The following CCL25 variants were observed in gnomAD, a reference collection of about 807,000 sequenced individuals.
The protein encoded by CCL25 is C-C motif chemokine 25.
A neutral mutation model predicts 19.9 loss-of-function variants in CCL25; 14 were observed. The ratio of observed to expected loss-of-function variants is 0.70; its 90% CI spans 0.47 to 1.10. The LOEUF is 1.10. Among genes scored for constraint, CCL25 ranks in the 50% least tolerant of loss-of-function variants. CCL25 has a pLI of 0.00. For missense variants in CCL25, 151 were observed against 181.2 expected (o/e 0.83, Z 0.96); for synonymous variants, 68 against 73.2 (o/e 0.93, Z 0.36).
chr19:8,057,367 T>C (rs1308715645), intron 4 of CCL25, among the ~76,000 whole-genome samples: 1 of 151,942 alleles, frequency 6.6e-6, no homozygotes, highest in Non-Finnish European at 1.5e-5. Flanking sequence ...TTTACTCTTG[T>C]CACCCAGGCT....
In CCL25 at chr19:8,057,843, A is replaced by G; in HGVS notation, c.368A>G (p.Lys123Arg). Reference protein sequence around the residue: ...AVKKLSSGNSKLSSSKFSNPI... With the variant: ...AVKKLSSGNSRLSSSKFSNPI... ...AAGAAGTTGAGTTCTGGAAACTCCA[A>G]GTTATCATCGTCCAAGTTTAGCAAT... Residue 123 changes from lysine (K) to arginine (R), a missense_variant, in exon 5 of 6, where the codon AAG (lysine) becomes AGG (arginine). Lys to Arg is a conservative substitution (Grantham distance 26). Transcript: ENST00000315626. 1.9e-6 allele frequency: 3 copies of G among 1,613,552 alleles called. No homozygotes were observed. Among genetic ancestry groups the G allele is most frequent in the Non-Finnish European group, 8.5e-7 (1 of 1,179,628 alleles).
intron 2 of CCL25, among the ~76,000 whole-genome samples, chr19:8,054,018 C>A (rs559451258): frequency 3.7e-4 from 57 of 152,356 alleles, no homozygotes; most frequent in African/African-American, 1.3e-3. Flanking sequence ...GAACTCTTTC[C>A]TTCTTCCCCA....
intron 5 of CCL25, among the ~76,000 whole-genome samples, chr19:8,061,023 TCACC>T (rs1343533318): frequency 7.5e-6 from 1 of 133,680 alleles, no homozygotes; most frequent in East Asian, 2.2e-4. Context: ...TCTCACTCTG[TCACC>T]CAGGTTGGAG....
chr19:8,059,889 A>G (rs2081306090), intron 5 of CCL25, among the ~76,000 whole-genome samples: 1 of 151,768 alleles, frequency 6.6e-6, no homozygotes, highest in Non-Finnish European at 1.5e-5. Context: ...GGAGATCGAG[A>G]CCATCCAGGC....
intron 5 of CCL25, among the ~76,000 whole-genome samples, chr19:8,058,551 A>T (rs2081291450): frequency 8.4e-6 from 1 of 119,162 alleles, no homozygotes; most frequent in Non-Finnish European, 1.7e-5. Flanking sequence ...ATAAATACAT[A>T]TAATATATAA....
intron 5 of CCL25, 31 bp downstream of exon 5, chr19:8,057,951 C>T (rs746002710): frequency 6.2e-7 from 1 of 1,602,326 alleles, no homozygotes; most frequent in South Asian, 1.1e-5. Flanking sequence ...GACTGTCTCC[C>T]ATCCATCACC....
chr19:8,062,046 CAAAAAA>C (rs34907151), intron 5 of CCL25, among the ~76,000 whole-genome samples, 166 bp from the exon 6 acceptor site: 3 of 60,530 alleles, frequency 5.0e-5, no homozygotes, highest in Non-Finnish European at 9.3e-5. Context: ...GAGACTGTCT[CAAAAAA>C]AAAAAAAAAA....
In CCL25 at chr19:8,056,372, C is replaced by A; in HGVS notation, c.198C>A (p.Tyr66Ter). The stretch of plus-strand genomic sequence containing the variant: ...CCCCCTCTGCTCACCACAGATTCTA[C>A]CTCCCCAAGAGACACAGGAAGGTGT... ...GSCNLPAAIF[Y>*]LPKRHRKVCG... The change falls in exon 4 of 6, where the codon TAC becomes TAA. Residue 66 changes from tyrosine to a stop codon, truncating the protein, a stop_gained. Transcript: ENST00000315626. LOFTEE classifies it high-confidence loss of function. 1 of 1,613,206 alleles carries A rather than the reference C, an allele frequency of 6.2e-7. No individual in the cohort carries two copies. Among genetic ancestry groups the A allele is most frequent in the Non-Finnish European group, 8.5e-7 (1 of 1,179,548 alleles).
chr19:8,053,504 G>A (rs1346747346), intron 2 of CCL25, among the ~76,000 whole-genome samples: 1 of 151,642 alleles, frequency 6.6e-6, no homozygotes, highest in Admixed American at 6.6e-5. Flanking sequence ...TCCCATCCTG[G>A]TCCCTCCATG....
intron 5 of CCL25, among the ~76,000 whole-genome samples, chr19:8,059,452 G>GC (rs2081303293): frequency 6.6e-6 from 1 of 151,576 alleles, no homozygotes; most frequent in African/African-American, 2.4e-5. Context: ...TCCCACCTCG[G>GC]CCCCCCAAAG....
intron 4 of CCL25, among the ~76,000 whole-genome samples, chr19:8,057,585 G>GCCTC (rs1418058611): frequency 6.6e-6 from 1 of 152,122 alleles, no homozygotes; most frequent in Non-Finnish European, 1.5e-5. Flanking sequence ...ACCTGCCTTG[G>GCCTC]CCTCCCAAAG....
intron 5 of CCL25, among the ~76,000 whole-genome samples, chr19:8,059,150 T>TA (rs1188847511): frequency 7.9e-3 from 125 of 15,806 alleles, no homozygotes; most frequent in Admixed American, 0.02. Context: ...ATATAATATA[T>TA]AATATATATA....
Position 8,056,194 on chromosome 19 carries a change from G to T in CCL25, c.116G>T (p.Gly39Val). 6.4e-7 allele frequency: 1 copy of T among 1,563,606 alleles called. No homozygotes were observed. Among genetic ancestry groups the T allele is most frequent in the South Asian group, 1.2e-5 (1 of 82,306 alleles). Residue 39 changes from glycine to valine, a missense_variant, in exon 3 of 6, where the codon GGG becomes GTG. Transcript: ENST00000315626. ...DCCLAYHYPIGWAVLRRAWTY... is the reference protein window; with the variant it reads ...DCCLAYHYPIVWAVLRRAWTY... Reference sequence around the variant, plus strand: ...TGCCTGGCCTACCACTACCCCATTGGGTGGGCTGTGCTCCGGCGCGCCTGG... The same window carrying T: ...TGCCTGGCCTACCACTACCCCATTGTGTGGGCTGTGCTCCGGCGCGCCTGG...
At chr19:8,057,539 C>G (rs1179722236) in intron 4 of CCL25, among the ~76,000 whole-genome samples, 1 of 152,040 alleles carries the variant, frequency 6.6e-6, no homozygotes, top group African/African-American at 2.4e-5. Context: ...GCCATGTTGC[C>G]CAGGCTGGAC....
intron 5 of CCL25, among the ~76,000 whole-genome samples, chr19:8,059,068 AATATATAAT>A (rs1473232739): frequency 0.14 from 6,880 of 50,738 alleles, 303 homozygotes; most frequent in Middle Eastern, 0.23. Flanking sequence ...AAATATATAT[AATATATAAT>A]ATATATAATA....
At chr19:8,052,401 G>A (rs2081238348), upstream of CCL25, among the ~76,000 whole-genome samples, 1 of 152,000 alleles carries the variant, frequency 6.6e-6, no homozygotes, top group African/African-American at 2.4e-5. Context: ...TGAAGTTGGG[G>A]ACCCACCAGG....
intron 3 of CCL25, 41 bp downstream of exon 3, chr19:8,056,310 A>T: frequency 6.2e-7 from 1 of 1,605,108 alleles, no homozygotes. Flanking sequence ...GGGTGCACAC[A>T]CAGCCTTGCT....
intron 5 of CCL25, among the ~76,000 whole-genome samples, 172 bp from the exon 6 acceptor site, chr19:8,062,046 C>CA (rs34907151): frequency 0.29 from 17,391 of 59,816 alleles, 2,289 homozygotes; most frequent in Non-Finnish European, 0.37. Flanking sequence ...GAGACTGTCT[C>CA]AAAAAAAAAA....
intron 4 of CCL25, among the ~76,000 whole-genome samples, chr19:8,056,933 C>T (rs1015333868): frequency 6.6e-6 from 1 of 152,166 alleles, no homozygotes; most frequent in Non-Finnish European, 1.5e-5. Context: ...GCCTTGACCT[C>T]CCAGGCTCAA....
Sources: gnomAD v4.1 joint callset for allele counts (sites outside exome capture counted in the v4.1 genomes callset) on GRCh38, gnomAD v4.1.1 for gene constraint, MANE v1.5 for transcripts, NCBI Gene and HGNC (gene_info 2026-07-23, HGNC 2026-07-21) for gene names.